GRID1: variants seen among roughly 807,000 people sequenced by gnomAD.
GRID1 encodes glutamate ionotropic receptor delta type subunit 1.
GRID1 carries 28 observed loss-of-function variants against 98.0 expected under a neutral mutation model. That is an observed-to-expected ratio of 0.29 (90% CI 0.21 to 0.39). The LOEUF is 0.39. GRID1 is among the 10% of genes least tolerant of loss of function. GRID1 has a pLI of 1.00. For missense variants in GRID1, 1,111 were observed against 1,340.5 expected (o/e 0.83, Z 2.67); for synonymous variants, 553 against 538.5 (o/e 1.03, Z -0.37).
At chr10:86,230,277 G>A (rs1046700964) in intron 2 of GRID1, among the ~76,000 whole-genome samples, 10 of 151,426 alleles carry the variant, frequency 6.6e-5, no homozygotes, top group East Asian at 2.0e-4. Context: ...CAAGAACTAC[G>A]GAGGAGAGAG....
At chr10:86,324,706 G>A (rs1229221336) in intron 2 of GRID1, among the ~76,000 whole-genome samples, 3 of 152,020 alleles carry the variant, frequency 2.0e-5, no homozygotes, top group African/African-American at 7.2e-5. Flanking sequence ...AAATAAAATG[G>A]CAAGGAAAAG....
At chr10:85,760,430 G>A (rs1446532584) in intron 8 of GRID1, among the ~76,000 whole-genome samples, 1 of 152,172 alleles carries the variant, frequency 6.6e-6, no homozygotes, top group African/African-American at 2.4e-5. Flanking sequence ...ATAAGATAAT[G>A]TGTCTGTCAC....
chr10:85,758,119 T>C (rs1842115943), intron 8 of GRID1, among the ~76,000 whole-genome samples: 1 of 152,246 alleles, frequency 6.6e-6, no homozygotes. Context: ...CATCTGTTAC[T>C]ATCTAGCTAT....
Position 85,619,890 on chromosome 10 carries a change from G to C in GRID1, c.2337C>G (p.Pro779=), listed in dbSNP as rs1049265810. The C allele has an allele frequency of 6.2e-7, 1 of 1,614,144 alleles. No individual in the cohort carries two copies. Among genetic ancestry groups the C allele is most frequent in the Non-Finnish European group, 8.5e-7 (1 of 1,179,992 alleles). ...ACCTCTGGGAGAAGAGGTCCCTGTAGGGGCTGCCATGCTGCAGGGCAATCC... is the reference window on the plus strand; with the variant it reads ...ACCTCTGGGAGAAGAGGTCCCTGTACGGGCTGCCATGCTGCAGGGCAATCC... ...GYGIALQHGS[P]YRDLFSQRIL... Residue 779 remains proline (P), a synonymous_variant, in exon 14 of 16, where the codon CCC becomes CCG. Transcript: ENST00000327946.
intron 4 of GRID1, among the ~76,000 whole-genome samples, chr10:86,046,697 G>T (rs967373374): frequency 6.6e-6 from 1 of 152,098 alleles, no homozygotes; most frequent in Non-Finnish European, 1.5e-5. Flanking sequence ...AGAAGGGATT[G>T]TTATCTTGAC....
At chr10:86,042,318 T>TC (rs1483491877) in intron 4 of GRID1, among the ~76,000 whole-genome samples, 1 of 152,142 alleles carries the variant, frequency 6.6e-6, no homozygotes, top group Non-Finnish European at 1.5e-5. Context: ...CCCCACAGAC[T>TC]CCAGGCTCAC....
intron 4 of GRID1, among the ~76,000 whole-genome samples, chr10:86,109,971 C>CT (rs56917207): frequency 0.016 from 1,886 of 121,012 alleles, 22 homozygotes; most frequent in South Asian, 0.028. Context: ...CTCTGCCATT[C>CT]TTTTTTTTTT....
chr10:86,038,517 C>T (rs1843301967), intron 4 of GRID1, among the ~76,000 whole-genome samples: 1 of 152,188 alleles, frequency 6.6e-6, no homozygotes, highest in Non-Finnish European at 1.5e-5. Flanking sequence ...GCCATGTTTG[C>T]TCATGAGCCT....
chr10:85,723,627 A>C (rs1027596095), intron 11 of GRID1, among the ~76,000 whole-genome samples: 4 of 152,182 alleles, frequency 2.6e-5, no homozygotes, highest in Admixed American at 1.3e-4. Flanking sequence ...TATCACTTTT[A>C]TTAGTATTCA....
intron 8 of GRID1, among the ~76,000 whole-genome samples, chr10:85,852,469 C>A (rs1056100254): frequency 6.6e-5 from 10 of 152,150 alleles, no homozygotes; most frequent in African/African-American, 2.4e-4. Context: ...AGGCACAGGA[C>A]TGGAGGGTCA....
intron 3 of GRID1, among the ~76,000 whole-genome samples, chr10:86,169,139 C>T (rs1845443768): frequency 6.6e-6 from 1 of 152,190 alleles, no homozygotes; most frequent in East Asian, 1.9e-4. Context: ...ACAAGAAGGC[C>T]TTGTGTCAGA....
At chr10:85,668,903 A>G (rs906539004) in intron 12 of GRID1, among the ~76,000 whole-genome samples, 9 of 152,374 alleles carry the variant, frequency 5.9e-5, no homozygotes, top group African/African-American at 2.2e-4. Context: ...AGTCAGGACA[A>G]TGGAGTGTGC....
chr10:86,310,226 G>C (rs771140261), intron 2 of GRID1, among the ~76,000 whole-genome samples: 14 of 152,200 alleles, frequency 9.2e-5, no homozygotes, highest in Non-Finnish European at 1.9e-4. Context: ...CTTCTAACCA[G>C]GCCCATAGCC....
chr10:85,869,226 T>C (rs1039534316), intron 5 of GRID1, 46 bp from the exon 6 acceptor site: 27 of 1,552,182 alleles, frequency 1.7e-5, no homozygotes, highest in Non-Finnish European at 2.1e-5. Flanking sequence ...TCATGAACTA[T>C]CTCTGCAAGA....
chr10:85,690,240 G>A (rs902244125), intron 12 of GRID1, among the ~76,000 whole-genome samples: 6 of 151,876 alleles, frequency 4.0e-5, no homozygotes, highest in African/African-American at 1.5e-4. Context: ...TACTTTTATA[G>A]CAATAAAATT....
intron 8 of GRID1, among the ~76,000 whole-genome samples, chr10:85,748,612 A>C (rs1842018285): frequency 6.6e-6 from 1 of 152,182 alleles, no homozygotes; most frequent in African/African-American, 2.4e-5. Flanking sequence ...TTTTAGCCTC[A>C]AGTTTTGTTT....
At chr10:85,665,198 C>A (rs915930059) in intron 12 of GRID1, among the ~76,000 whole-genome samples, 3 of 152,104 alleles carry the variant, frequency 2.0e-5, no homozygotes, top group African/African-American at 7.2e-5. Flanking sequence ...CCTTTCCACA[C>A]AAGCAAACCC....
chr10:86,351,528 C>T (rs1221474392), intron 2 of GRID1, among the ~76,000 whole-genome samples: 3 of 152,172 alleles, frequency 2.0e-5, no homozygotes, highest in Non-Finnish European at 2.9e-5. Flanking sequence ...GCATGAGATT[C>T]GCAGAGCTCT....
At chr10:86,341,562 G>A (rs550115311) in intron 2 of GRID1, among the ~76,000 whole-genome samples, 8 of 152,250 alleles carry the variant, frequency 5.3e-5, no homozygotes, top group East Asian at 3.9e-4. Context: ...CCTCTCCTGC[G>A]GCTCCCAGAG....
Sources: gnomAD v4.1 joint callset for allele counts (sites outside exome capture counted in the v4.1 genomes callset) on GRCh38, gnomAD v4.1.1 for gene constraint, MANE v1.5 for transcripts, NCBI Gene and HGNC (gene_info 2026-07-23, HGNC 2026-07-21) for gene names.